The following ADAMTS6 variants were observed in gnomAD, a reference collection of about 807,000 sequenced individuals.
ADAMTS6 encodes ADAM metallopeptidase with thrombospondin type 1 motif 6.
Under a neutral mutation model 144.3 loss-of-function variants are expected in ADAMTS6, and 23 were observed. The ratio of observed to expected loss-of-function variants is 0.16; its 90% CI spans 0.11 to 0.23. ADAMTS6 has a LOEUF of 0.23. ADAMTS6 is among the 10% of genes least tolerant of loss of function. The pLI is 1.00. For missense variants in ADAMTS6, 999 were observed against 1,379.6 expected, an observed-to-expected ratio of 0.72 and a Z score of 4.37; for synonymous variants, 444 against 457.5, an observed-to-expected ratio of 0.97 and a Z score of 0.38.
chr5:65,231,214 C>A lies in ADAMTS6; in HGVS notation c.1934-4995G>T, dbSNP rs187095056. 1.7e-3 allele frequency among the ~76,000 whole-genome samples: 257 copies of A among 151,418 alleles called. 3 individuals are homozygous for A. Among genetic ancestry groups the A allele is most frequent in the Non-Finnish European group, 1.7e-3 (116 of 67,724 alleles). On this transcript the variant is annotated intron_variant, in intron 15 of 24. Transcript: ENST00000381055. The stretch of plus-strand genomic sequence containing the variant: ...AAATATATTCCATGGAAACAGAAAC[C>A]AAAAGAGAGCTGGGAGAGCTATACT...
intron 3 of ADAMTS6, among the ~76,000 whole-genome samples, chr5:65,468,096 T>C (rs1361305565): frequency 6.6e-6 from 1 of 152,054 alleles, no homozygotes; most frequent in Non-Finnish European, 1.5e-5. Context: ...ATGGTCCAAA[T>C]ACACAGCAAA....
At chr5:65,445,286 G>A (rs1216340489) in intron 7 of ADAMTS6, among the ~76,000 whole-genome samples, 1 of 152,126 alleles carries the variant, frequency 6.6e-6, no homozygotes, top group Non-Finnish European at 1.5e-5. Context: ...CCTAATATGT[G>A]CCTGTTTTTC....
At chr5:65,158,916 ATC>A (rs1198847652) in intron 24 of ADAMTS6, among the ~76,000 whole-genome samples, 1 of 151,378 alleles carries the variant, frequency 6.6e-6, no homozygotes, top group East Asian at 1.9e-4. Flanking sequence ...CATTTCTTCA[ATC>A]TCTCTCAATT....
At chr5:65,152,881 C>T (rs1411145753) in intron 24 of ADAMTS6, among the ~76,000 whole-genome samples, 1 of 152,210 alleles carries the variant, frequency 6.6e-6, no homozygotes, top group Non-Finnish European at 1.5e-5. Context: ...GAAATTTTCA[C>T]ATGCCTGCTA....
rs200773430 is a variant in ADAMTS6, at chr5:65,292,386, GT to G, written c.1371-917del. Among the ~76,000 whole-genome samples, 440 of 122,932 alleles carry G rather than the reference GT, an allele frequency of 3.6e-3. 3 individuals carry two copies. Among genetic ancestry groups the G allele is most frequent in the South Asian group, 0.015 (57 of 3,784 alleles). 80.6% of individuals were successfully genotyped at this position (122,932 alleles called of 152,430 possible). On this transcript the variant is annotated intron_variant, in intron 10 of 24. Transcript: ENST00000381055. ...TCCTGTCCATTGTGCCAGCACTTGT[GT>G]TTTTTTTTTTTTTTTCCAAATCTTT...
chr5:65,274,320 TTA>T (rs990417921), intron 11 of ADAMTS6, among the ~76,000 whole-genome samples: 1 of 152,114 alleles, frequency 6.6e-6, no homozygotes, highest in African/African-American at 2.4e-5. Flanking sequence ...CAGTTTATTT[TTA>T]TATATAATCA....
At chr5:65,173,106 A>T in intron 22 of ADAMTS6, 98 bp from the exon 23 acceptor site, 1 of 1,193,966 alleles carries the variant, frequency 8.4e-7, no homozygotes, top group Non-Finnish European at 1.2e-6. Context: ...TTTAGTATAG[A>T]ATATACACAT....
chr5:65,478,685 TCAATCAAC>T (rs1761009806), intron 1 of ADAMTS6, among the ~76,000 whole-genome samples: 4 of 152,170 alleles, frequency 2.6e-5, no homozygotes, highest in African/African-American at 9.7e-5. Flanking sequence ...GATGATGGAG[TCAATCAAC>T]TAGTTATATT....
At chr5:65,260,834 G>A (rs1761136898) in intron 13 of ADAMTS6, among the ~76,000 whole-genome samples, 171 bp from the exon 14 acceptor site, 1 of 151,928 alleles carries the variant, frequency 6.6e-6, no homozygotes, top group South Asian at 2.1e-4. Context: ...AATTATGGTT[G>A]TTGAACATAA....
At chr5:65,306,056 A>G (rs1743909613) in intron 9 of ADAMTS6, among the ~76,000 whole-genome samples, 1 of 152,226 alleles carries the variant, frequency 6.6e-6, no homozygotes, top group Non-Finnish European at 1.5e-5. Flanking sequence ...TCTCAGTTGC[A>G]ATGCAAACTC....
intron 15 of ADAMTS6, among the ~76,000 whole-genome samples, chr5:65,236,853 A>G (rs1758710340): frequency 6.6e-6 from 1 of 152,128 alleles, no homozygotes; most frequent in Non-Finnish European, 1.5e-5. Flanking sequence ...CAAATTACAG[A>G]AAAGAGTACC....
At chr5:65,152,055 C>T (rs1680363652) in intron 24 of ADAMTS6, 110 bp from the exon 25 acceptor site, 1 of 849,468 alleles carries the variant, frequency 1.2e-6, no homozygotes, top group Non-Finnish European at 1.9e-6. Context: ...GCCAATCCAC[C>T]TTGGCTTCGA....
At chr5:65,286,126 T>C (rs1278079780) in intron 11 of ADAMTS6, among the ~76,000 whole-genome samples, 3 of 152,188 alleles carry the variant, frequency 2.0e-5, no homozygotes, top group Non-Finnish European at 2.9e-5. Context: ...AATGAAAACA[T>C]TTATTGAATG....
chr5:65,418,640 G>T (rs900108273), intron 7 of ADAMTS6, among the ~76,000 whole-genome samples: 1 of 151,990 alleles, frequency 6.6e-6, no homozygotes, highest in Non-Finnish European at 1.5e-5. Context: ...GAAAATATTT[G>T]CAAACTATGC....
intron 15 of ADAMTS6, among the ~76,000 whole-genome samples, chr5:65,226,672 G>A (rs1231870136): frequency 2.0e-5 from 3 of 151,882 alleles, no homozygotes; most frequent in Non-Finnish European, 4.4e-5. Context: ...TGCAACCTCT[G>A]CCTCCTGAGT....
At chr5:65,385,195 T>C (rs1267454994) in intron 7 of ADAMTS6, among the ~76,000 whole-genome samples, 1 of 152,236 alleles carries the variant, frequency 6.6e-6, no homozygotes, top group Non-Finnish European at 1.5e-5. Context: ...TGTTTTCTCC[T>C]GCACAGAATT....
intron 12 of ADAMTS6, among the ~76,000 whole-genome samples, chr5:65,265,705 A>G (rs74555981): frequency 0.022 from 3,318 of 152,084 alleles, 129 homozygotes; most frequent in African/African-American, 0.075. Flanking sequence ...GCTTGATTTT[A>G]CATTTATTTT....
At chr5:65,398,685 C>G in intron 7 of ADAMTS6, among the ~76,000 whole-genome samples, 1 of 150,760 alleles carries the variant, frequency 6.6e-6, no homozygotes, top group East Asian at 2.0e-4. Flanking sequence ...GCACTCCAGT[C>G]TGGATGACAG....
At position 65,193,786 on chromosome 5, in the gene ADAMTS6, A is replaced by G. The variant is rs148697977; in HGVS notation, c.2705+3236T>C. The stretch of plus-strand genomic sequence containing the variant: ...CAGAAGCAAAAGTGGTTAATGCTGC[A>G]TTATTGCAGGGGATCAAAATAAAAA... On this transcript the variant is annotated intron_variant, in intron 21 of 24. Coordinates refer to ENST00000381055, the MANE Select transcript of ADAMTS6 (RefSeq NM_197941.4). Among the ~76,000 whole-genome samples, 884 of 152,280 alleles carry G rather than the reference A, an allele frequency of 5.8e-3. 13 individuals are homozygous for G. The highest frequency in any genetic ancestry group is 0.021 in the African/African-American group (857 of 41,574).
Sources: gnomAD v4.1 joint callset for allele counts (sites outside exome capture counted in the v4.1 genomes callset) on GRCh38, gnomAD v4.1.1 for gene constraint, MANE v1.5 for transcripts, NCBI Gene and HGNC (gene_info 2026-07-23, HGNC 2026-07-21) for gene names.